ATP8B1: variants seen among roughly 807,000 people sequenced by gnomAD.
ATP8B1 encodes phospholipid-transporting ATPase IC.
Under a neutral mutation model 149.9 loss-of-function variants are expected in ATP8B1, and 80 were observed. That is an observed-to-expected ratio of 0.53 (90% CI 0.45 to 0.64). The LOEUF (loss-of-function observed/expected upper bound fraction) is 0.64, where lower values mean the gene tolerates loss of function less well. Ranked by LOEUF, ATP8B1 falls within the 30% of genes least tolerant of loss-of-function variation. The pLI, the probability that ATP8B1 is intolerant of heterozygous loss-of-function variation, is 0.00. For synonymous variants in ATP8B1, 536 were observed against 562.8 expected (o/e 0.95, Z 0.67); for missense variants, 1,247 against 1,552.6 (o/e 0.80, Z 3.31).
chr18:57,761,396 G>A (rs1401480714), intron 1 of ATP8B1, among the ~76,000 whole-genome samples: 1 of 152,178 alleles, frequency 6.6e-6, no homozygotes, highest in Non-Finnish European at 1.5e-5. Context: ...TACGGCCTTA[G>A]CAAGTCACAT....
At chr18:57,768,762 G>C (rs2123364034) in intron 1 of ATP8B1, among the ~76,000 whole-genome samples, 1 of 152,294 alleles carries the variant, frequency 6.6e-6, no homozygotes, top group East Asian at 1.9e-4. Flanking sequence ...AAGGATAGAA[G>C]TGGAAATTGA....
intron 12 of ATP8B1, among the ~76,000 whole-genome samples, chr18:57,689,963 CTGAGA>C (rs1912448966): frequency 1.3e-5 from 2 of 152,202 alleles, no homozygotes; most frequent in African/African-American, 4.8e-5. Flanking sequence ...TTGCAGTGAG[CTGAGA>C]TCGCGCGACT....
intron 2 of ATP8B1, among the ~76,000 whole-genome samples, chr18:57,725,270 A>AAATTGGAGTGACTAATACAT (rs2079696029): frequency 6.6e-6 from 1 of 151,772 alleles, no homozygotes; most frequent in African/African-American, 2.4e-5. Flanking sequence ...AAGAAAAAAA[A>AAATTGGAGTGACTAATACAT]TAATCCCATT....
At chr18:57,787,937 G>A (rs1247691005) in intron 1 of ATP8B1, among the ~76,000 whole-genome samples, 2 of 152,200 alleles carry the variant, frequency 1.3e-5, no homozygotes, top group Non-Finnish European at 2.9e-5. Flanking sequence ...GGAGGCTGAG[G>A]CGGGAGGATC....
chr18:57,651,909 C>G, intron 26 of ATP8B1, 125 bp downstream of exon 26: 1 of 1,230,056 alleles, frequency 8.1e-7, no homozygotes, highest in South Asian at 1.3e-5. Flanking sequence ...GCTGGGATTA[C>G]AGGTGTGAGC....
chr18:57,721,563 T>C (rs539857788), intron 2 of ATP8B1, among the ~76,000 whole-genome samples: 10 of 152,150 alleles, frequency 6.6e-5, no homozygotes, highest in African/African-American at 1.9e-4. Flanking sequence ...TAAATATATA[T>C]GCACCCAATA....
chr18:57,767,371 C>G (rs2080220645), intron 1 of ATP8B1, among the ~76,000 whole-genome samples: 1 of 152,208 alleles, frequency 6.6e-6, no homozygotes, highest in African/African-American at 2.4e-5. Context: ...ATTGTGCCAT[C>G]CAGTACAGTG....
chr18:57,680,353 A>G (rs1386571210), intron 15 of ATP8B1, among the ~76,000 whole-genome samples: 1 of 148,494 alleles, frequency 6.7e-6, no homozygotes, highest in Non-Finnish European at 1.5e-5. Flanking sequence ...TGGGAGGTCA[A>G]GGCTGGAGGA....
At chr18:57,679,069 A>C (rs1911785713) in intron 15 of ATP8B1, among the ~76,000 whole-genome samples, 1 of 148,592 alleles carries the variant, frequency 6.7e-6, no homozygotes, top group Non-Finnish European at 1.5e-5. Context: ...CTCTACTAAA[A>C]ATACAAAAAA....
intron 15 of ATP8B1, among the ~76,000 whole-genome samples, chr18:57,678,207 T>C (rs1911714932): frequency 6.6e-6 from 1 of 152,052 alleles, no homozygotes; most frequent in South Asian, 2.1e-4. Flanking sequence ...TCACTTAACA[T>C]TGGGTACTCA....
At chr18:57,707,280 A>C (rs1289687959) in intron 2 of ATP8B1, among the ~76,000 whole-genome samples, 1 of 152,142 alleles carries the variant, frequency 6.6e-6, no homozygotes, top group Non-Finnish European at 1.5e-5. Context: ...TGGGCGACAG[A>C]GCAAGACTCC....
intron 20 of ATP8B1, among the ~76,000 whole-genome samples, 154 bp from the exon 21 acceptor site, chr18:57,662,769 T>G (rs1235930439): frequency 6.6e-6 from 1 of 152,218 alleles, no homozygotes; most frequent in Non-Finnish European, 1.5e-5. Flanking sequence ...TTATAATTTT[T>G]TTGAGAGAGG....
chr18:57,717,547 C>CAAAAAAAAAAAAAAAAA (rs1163024544), intron 2 of ATP8B1, among the ~76,000 whole-genome samples: 3 of 19,918 alleles, frequency 1.5e-4, no homozygotes, highest in Non-Finnish European at 2.6e-4. Context: ...GACTCTGTCT[C>CAAAAAAAAAAAAAAAAA]AAAAAAAAAA....
At chr18:57,790,717 C>G (rs1262130911) in intron 1 of ATP8B1, among the ~76,000 whole-genome samples, 2 of 152,076 alleles carry the variant, frequency 1.3e-5, no homozygotes, top group African/African-American at 4.8e-5. Context: ...ATTTTAACTA[C>G]TTTTATTTTA....
intron 1 of ATP8B1, among the ~76,000 whole-genome samples, chr18:57,798,736 G>A (rs1268220539): frequency 6.6e-6 from 1 of 152,210 alleles, no homozygotes; most frequent in Non-Finnish European, 1.5e-5. Context: ...GGTAGCAGGT[G>A]AGACAGCAAC....
intron 1 of ATP8B1, among the ~76,000 whole-genome samples, chr18:57,782,800 T>C (rs1402652110): frequency 1.7e-5 from 2 of 115,946 alleles, no homozygotes; most frequent in Non-Finnish European, 3.5e-5. Flanking sequence ...TTCTAGTTTG[T>C]CTCTTTTTTT....
Position 57,669,447 on chromosome 18 carries a change from AAGGCAT to A in ATP8B1, c.1962_1967del (p.Leu656_Cys657del). On this transcript the variant is annotated inframe_deletion, in exon 18 of 28. Transcript: ENST00000648908. ...CTTTTTCTTCAATTTCCTTGTAGCA[AAGGCAT>A]AGGGTTCTAAGAGTTTCATTTGCAA... is the stretch of plus-strand genomic sequence containing the variant. The A allele has an allele frequency of 6.2e-7, 1 of 1,613,516 alleles. No homozygotes were observed. The highest frequency in any genetic ancestry group is 8.5e-7 in the Non-Finnish European group (1 of 1,179,528).
chr18:57,770,256 A>C (rs897589885), intron 1 of ATP8B1, among the ~76,000 whole-genome samples: 2 of 151,994 alleles, frequency 1.3e-5, no homozygotes, highest in Non-Finnish European at 2.9e-5. Context: ...TTTTTCTTGC[A>C]CTCAGGCAGA....
intron 1 of ATP8B1, among the ~76,000 whole-genome samples, chr18:57,786,117 A>G (rs906551550): frequency 2.0e-5 from 3 of 152,196 alleles, no homozygotes; most frequent in African/African-American, 7.2e-5. Flanking sequence ...AGGTGCTACA[A>G]TTTAAGAACT....
Sources: gnomAD v4.1 joint callset for allele counts (sites outside exome capture counted in the v4.1 genomes callset) on GRCh38, gnomAD v4.1.1 for gene constraint, MANE v1.5 for transcripts, NCBI Gene and HGNC (gene_info 2026-07-23, HGNC 2026-07-21) for gene names.